Variants in TTN observed in about 807,000 individuals in gnomAD.
TTN encodes connectin.
TTN carries 1,525 observed loss-of-function variants against 3,223.0 expected under a neutral mutation model. That is an observed-to-expected ratio of 0.47 (90% confidence interval 0.45 to 0.49). TTN has a LOEUF of 0.49. Among genes scored for constraint, TTN ranks in the 20% least tolerant of loss-of-function variants. TTN has a pLI of 0.00. For synonymous variants in TTN, 14,094 were observed against 15,161.0 expected, an observed-to-expected ratio of 0.93 and a Z score of 5.17; for missense variants, 40,786 against 43,424.0, an observed-to-expected ratio of 0.94 and a Z score of 5.40.
intron 117 of TTN, 149 bp downstream of exon 117, chr2:178,694,450 G>A (rs2073194634): frequency 1.8e-6 from 1 of 542,528 alleles, no homozygotes; most frequent in South Asian, 3.4e-5. Context: ...TTAAACATAT[G>A]TGCAACTCAA....
Position 178,634,652 on chromosome 2 carries a change from G to T in TTN, c.42152-23C>A. ...TTTCTGAAAATCAGACATTAAGAATGAGGCTTTTCAGAATGCACAGGGAAG... is the reference window on the plus strand; with the variant it reads ...TTTCTGAAAATCAGACATTAAGAATTAGGCTTTTCAGAATGCACAGGGAAG... On this transcript the variant is annotated intron_variant, in intron 229 of 362. Transcript: ENST00000589042. The surrounding 1 kb of genome is among the most constrained non-coding windows in gnomAD (Gnocchi z 4.6). The T allele has an allele frequency of 6.2e-7, 1 of 1,612,404 alleles. No individual in the cohort carries two copies. The highest frequency in any genetic ancestry group is 1.1e-5 in the South Asian group (1 of 90,820).
rs751739022 is a variant in TTN, at chr2:178,724,229, T to G, written c.21115+31A>C. On this transcript the variant is annotated intron_variant, in intron 72 of 362. Coordinates refer to ENST00000589042, the MANE Select transcript of TTN (RefSeq NM_001267550.2). The stretch of plus-strand genomic sequence containing the variant: ...AGGAAACTTGTAAAAGGAATTTGCA[T>G]AAGCAACCAGAAGAAAACAGCAGAA... 9 of 1,592,926 alleles carry G rather than the reference T, an allele frequency of 5.6e-6. No individual in the cohort carries two copies. In the Admixed American group the frequency reaches 8.8e-5, roughly 16 times the overall value.
At position 178,766,718 on chromosome 2, in the gene TTN, A is replaced by G. The variant is rs559613238; in HGVS notation, c.9472-106T>C. The G allele has an allele frequency of 6.0e-5, 49 of 822,568 alleles. No individual in the cohort carries two copies. The African/African-American group carries it at 8.0e-4, about 13-fold the overall frequency. The allele number at this position is 822,568 out of a possible 1,614,324, so 51.0% of individuals were successfully genotyped here. ...AAAACTGGTCAATGAATGGCATGTG[A>G]AACCAATATATTATAATGTAATAAG... On this transcript the variant is annotated intron_variant, in intron 40 of 362. Transcript: ENST00000589042.
Position 178,592,294 on chromosome 2 carries a change from AAC to A in TTN, c.59627-19_59627-18del. On this transcript the variant is annotated intron_variant, in intron 301 of 362. Transcript: ENST00000589042. ...CAGGTTTATCTAAAAAGTGTTAAAT[AAC>A]AGTTTGATAAGTAATTTTATCCATA... The A allele has an allele frequency of 6.2e-7, 1 of 1,604,026 alleles. No individual in the cohort carries two copies.
chr2:178,664,590 C>A, intron 167 of TTN, 53 bp from the exon 168 acceptor site: 1 of 1,604,792 alleles, frequency 6.2e-7, no homozygotes. Context: ...TCAACACAAT[C>A]AGGAAAAACA....
rs879247634 is a variant in TTN, at chr2:178,537,863, C to T, written c.99344G>A (p.Gly33115Asp). 6 of 1,613,304 alleles carry T rather than the reference C, an allele frequency of 3.7e-6. No individual in the cohort carries two copies. The African/African-American group carries it at 5.3e-5, about 14-fold the overall frequency. Residue 33115 changes from glycine to aspartate, a missense_variant, in exon 355 of 363, where the codon GGT becomes GAT. By Grantham distance (94) the Gly-to-Asp change is moderately conservative. Transcript: ENST00000589042. ...KEMKDVTTKL[G>D]EAAQLSCQIV... The stretch of plus-strand genomic sequence containing the variant: ...CTGGCATGAGAGTTGAGCAGCTTCA[C>T]CCAATTTTGTGGTAACATCCTTCAT...
chr2:178,567,543 G>T lies in TTN; in HGVS notation c.78589C>A (p.Pro26197Thr), dbSNP rs747052899. 5.6e-6 allele frequency: 9 copies of T among 1,610,404 alleles called. No homozygotes were observed. In the African/African-American group the frequency reaches 6.7e-5, roughly 12 times the overall value. The change falls in exon 326 of 363, where the codon CCA becomes ACA. Residue 26197 changes from proline (P) to threonine (T), a missense_variant. Coordinates refer to ENST00000589042, the MANE Select transcript of TTN (RefSeq NM_001267550.2). Reference protein sequence around the residue: ...EVELPRISMDPKFRDTIVVNA... With the variant: ...EVELPRISMDTKFRDTIVVNA... The stretch of plus-strand genomic sequence containing the variant: ...ACCACAATTGTGTCTCTGAATTTTG[G>T]ATCCATTGAAATTCTTGGGAGTTCA...
rs1214854360 is a variant in TTN at position 178,570,043 on chromosome 2, G to A, written c.76089C>T (p.Arg25363=). The stretch of plus-strand genomic sequence containing the variant: ...TTTCTATGAGTCCAGTTACTCTCAG[G>A]CGCAACTCTCCAATCAGACGCTTAT... The part of the protein sequence containing the change: ...RCHKRLIGEL[R]LRVTGLIENH... The change falls in exon 326 of 363, where the codon CGC becomes CGT. Residue 25363 remains arginine, a synonymous_variant. Transcript: ENST00000589042. 1 of 1,613,266 alleles carries A rather than the reference G, an allele frequency of 6.2e-7. No individual in the cohort carries two copies. Among genetic ancestry groups the A allele is most frequent in the Admixed American group, 1.7e-5 (1 of 59,968 alleles).
At position 178,784,251 on chromosome 2, in the gene TTN, T is replaced by C; in HGVS notation, c.2594A>G (p.Lys865Arg). Residue 865 changes from lysine (K) to arginine (R), a missense_variant, in exon 16 of 363, where the codon AAG becomes AGG. Physicochemically the swap from Lys to Arg is conservative, Grantham distance 26. Coordinates refer to ENST00000589042, the MANE Select transcript of TTN (RefSeq NM_001267550.2). ...ITKSVKAPTV[K>R]PSETRVRAEP... ...TGCCCTTACTCTAGTCTCACTGGGC[T>C]TCACAGTAGGAGCCTTCACCGATTT... The C allele has an allele frequency of 1.2e-6, 2 of 1,614,164 alleles. No homozygotes were observed. Among genetic ancestry groups the C allele is most frequent in the Admixed American group, 1.7e-5 (1 of 60,018 alleles).
Position 178,560,674 on chromosome 2 carries a change from G to C in TTN, c.85458C>G (p.Tyr28486Ter). 6.2e-7 allele frequency: 1 copy of C among 1,613,600 alleles called. No homozygotes were observed. Among genetic ancestry groups the C allele is most frequent in the Non-Finnish European group, 8.5e-7 (1 of 1,179,780 alleles). The change falls in exon 326 of 363, where the codon TAC becomes TAG. Residue 28486 changes from tyrosine (Y) to a stop codon, truncating the protein, a stop_gained. Transcript: ENST00000589042. LOFTEE classifies it high-confidence loss of function. ...QEDGGADIDY[Y>*]IVEKRETSHL... ...GGCTTGTTTCACGTTTTTCTACGAT[G>C]TAATAGTCGATATCTGCACCACCAT...
rs751345368 is a variant in TTN at position 178,548,720 on chromosome 2, C to T, written c.92906G>A (p.Arg30969Gln). The T allele has an allele frequency of 5.0e-6, 8 of 1,613,748 alleles. No individual in the cohort carries two copies. Among genetic ancestry groups the T allele is most frequent in the Admixed American group, 3.3e-5 (2 of 60,012 alleles). Reference sequence around the variant, plus strand: ...GGAATCTGTTGTATGGATATCAGCCCGAAGGCTAAGGTTAGAGTCTGGTTT... The same window carrying T: ...GGAATCTGTTGTATGGATATCAGCCTGAAGGCTAAGGTTAGAGTCTGGTTT... ...WSKPDSNLSL[R>Q]ADIHTTDSFS... The change falls in exon 339 of 363, where the codon CGG (arginine) becomes CAG (glutamine). Residue 30969 changes from arginine (R) to glutamine (Q), a missense_variant. Transcript: ENST00000589042. The surrounding 1 kb of genome is among the most constrained non-coding windows in gnomAD (Gnocchi z 4.3).
chr2:178,749,615 A>G (rs1470439939), intron 47 of TTN: 7 of 1,612,070 alleles, frequency 4.3e-6, no homozygotes, highest in Middle Eastern at 3.3e-4. Flanking sequence ...AATTTCACCA[A>G]TATTTTCGAA....
Position 178,768,789 on chromosome 2 carries a change from A to T in TTN, c.9047T>A (p.Met3016Lys), listed in dbSNP as rs1223583950. The change falls in exon 38 of 363, where the codon ATG becomes AAG. Residue 3016 changes from methionine to lysine, a missense_variant. Coordinates refer to ENST00000589042, the MANE Select transcript of TTN (RefSeq NM_001267550.2). ...TGAGTGTGTGAGCTTTTTGGTTCTC[A>T]TCTGGCACTTGTCAGTTGATTTGAT... ...VEIKSTDKCQ[M>K]RTKKLTHSLN... is the part of the protein sequence containing the mutation. The T allele has an allele frequency of 6.2e-7, 1 of 1,613,958 alleles. No individual in the cohort carries two copies. The highest frequency in any genetic ancestry group is 1.3e-5 in the African/African-American group (1 of 74,898).
At position 178,620,967 on chromosome 2, in the gene TTN, T is replaced by C; in HGVS notation, c.45643A>G (p.Lys15215Glu). 1 of 1,611,824 alleles carries C rather than the reference T, an allele frequency of 6.2e-7. No homozygotes were observed. The highest frequency in any genetic ancestry group is 8.5e-7 in the Non-Finnish European group (1 of 1,178,990). ...IEKLRIVVPL[K>E]DTRVKEQQEV... ...TGTTGTTCCTTCACCCGGGTGTCCT[T>C]AAGAGGAACTACGATCCTGAGTTTT... The change falls in exon 247 of 363, where the codon AAG becomes GAG. Residue 15215 changes from lysine to glutamate, a missense_variant. Transcript: ENST00000589042.
Position 178,561,090 on chromosome 2 carries a change from C to T in TTN, c.85042G>A (p.Val28348Ile), listed in dbSNP as rs546413805. ...EPSESTGPII[V>I]KDDVEPPRVM... is the part of the protein sequence containing the mutation. ...CTTGGAGGCTCAACATCATCTTTAA[C>T]TATAATAGGCCCAGTGGATTCAGAT... Residue 28348 changes from valine (V) to isoleucine (I), a missense_variant, in exon 326 of 363, where the codon GTT becomes ATT. Val to Ile is a conservative substitution (Grantham distance 29). Transcript: ENST00000589042. 5 of 1,613,880 alleles carry T rather than the reference C, an allele frequency of 3.1e-6. No individual in the cohort carries two copies. The South Asian group carries it at 4.4e-5, about 14-fold the overall frequency.
chr2:178,697,562 T>C (rs2073956990), intron 112 of TTN, among the ~76,000 whole-genome samples: 1 of 152,168 alleles, frequency 6.6e-6, no homozygotes, highest in African/African-American at 2.4e-5. Context: ...GAAATATCCA[T>C]GCTTTTTGAG....
rs575745940 is a variant in TTN, at chr2:178,702,673, T to C, written c.30224-10A>G. The C allele has an allele frequency of 6.2e-7, 1 of 1,607,874 alleles. No individual in the cohort carries two copies. The highest frequency in any genetic ancestry group is 8.5e-7 in the Non-Finnish European group (1 of 1,175,104). On this transcript the variant is annotated splice_polypyrimidine_tract_variant and intron_variant, in intron 106 of 362. Coordinates refer to ENST00000589042, the MANE Select transcript of TTN (RefSeq NM_001267550.2). ...AACTGAATTGGTTCAGCTGTTTAAG[T>C]ACAAAGAGGGTTCAAAGTTAGATTA...
In TTN at chr2:178,545,458, G is replaced by A. The variant is rs397517762; in HGVS notation, c.95652C>T (p.Thr31884=). ...CACTGTTACCAGCTGCATTCACTGC[G>A]GTCACCCGGAACTGGTAATCACAAC... ...MEGCDYQFRV[T]AVNAAGNSEP... Residue 31884 remains threonine, a synonymous_variant, in exon 344 of 363, where the codon ACC becomes ACT. Coordinates refer to ENST00000589042, the MANE Select transcript of TTN (RefSeq NM_001267550.2). 36 of 1,611,634 alleles carry A rather than the reference G, an allele frequency of 2.2e-5. No homozygotes were observed. Among genetic ancestry groups the A allele is most frequent in the Admixed American group, 3.3e-5 (2 of 59,968 alleles).
intron 47 of TTN, chr2:178,750,049 ATC>A (rs756293635): frequency 6.2e-7 from 1 of 1,613,116 alleles, no homozygotes; most frequent in South Asian, 1.1e-5. Flanking sequence ...TAGACTCTTT[ATC>A]CTGTTCTGGG....
Sources: gnomAD v4.1 joint callset for allele counts (sites outside exome capture counted in the v4.1 genomes callset) on GRCh38, gnomAD v4.1.1 for gene constraint, Gnocchi (gnomAD v3.1) non-coding constraint, MANE v1.5 for transcripts, NCBI Gene and HGNC (gene_info 2026-07-23, HGNC 2026-07-21) for gene names.